CTNND2: variants seen among roughly 807,000 people sequenced by gnomAD.
CTNND2 encodes the protein catenin delta-2.
CTNND2 carries 22 observed loss-of-function variants against 144.4 expected under a neutral mutation model. That is an observed-to-expected ratio of 0.15 (90% CI 0.11 to 0.22). The LOEUF (loss-of-function observed/expected upper bound fraction) is 0.22, where lower values mean the gene tolerates loss of function less well. CTNND2 is among the 10% of genes least tolerant of loss of function. CTNND2 has a pLI of 1.00. For missense variants in CTNND2, 1,353 were observed against 1,618.8 expected (o/e 0.84, Z 2.82); for synonymous variants, 751 against 695.6 (o/e 1.08, Z -1.25).
intron 11 of CTNND2, among the ~76,000 whole-genome samples, chr5:11,197,869 T>C (rs1429332260): frequency 6.6e-6 from 1 of 152,220 alleles, no homozygotes; most frequent in Non-Finnish European, 1.5e-5. Flanking sequence ...AGAGGGGTTC[T>C]TCTACACAAT....
At chr5:11,121,919 A>G (rs1007857340) in intron 12 of CTNND2, among the ~76,000 whole-genome samples, 3 of 152,132 alleles carry the variant, frequency 2.0e-5, no homozygotes, top group Non-Finnish European at 4.4e-5. Context: ...TCCTTTACTG[A>G]TCATCATTTA....
intron 3 of CTNND2, among the ~76,000 whole-genome samples, chr5:11,450,510 C>A (rs1042430163): frequency 2.8e-4 from 43 of 152,184 alleles, no homozygotes; most frequent in African/African-American, 9.9e-4. Flanking sequence ...AGCTTTGTCC[C>A]ACTAATACTC....
chr5:11,171,956 G>A (rs1252821527), intron 11 of CTNND2, among the ~76,000 whole-genome samples: 1 of 152,164 alleles, frequency 6.6e-6, no homozygotes, highest in Non-Finnish European at 1.5e-5. Context: ...AATATTAATT[G>A]AGTAAAAAAG....
rs181700673 is a variant in CTNND2 at position 11,235,797 on chromosome 5, A to C, written c.1761+894T>G. Among the ~76,000 whole-genome samples the C allele has an allele frequency of 7.9e-5, 12 of 152,370 alleles. No individual in the cohort carries two copies. The East Asian group carries it at 2.1e-3, about 27-fold the overall frequency. On this transcript the variant is annotated intron_variant, in intron 10 of 21. Coordinates refer to ENST00000304623, the MANE Select transcript of CTNND2 (RefSeq NM_001332.4). ...CAGTCCCAGGGGAAGAGAGATGGAA[A>C]AAATAAAAAGCCATGAGGCTATGTA... is the stretch of plus-strand genomic sequence containing the variant.
At chr5:11,418,627 G>A (rs1581152660) in intron 3 of CTNND2, among the ~76,000 whole-genome samples, 1 of 152,270 alleles carries the variant, frequency 6.6e-6, no homozygotes, top group South Asian at 2.1e-4. Flanking sequence ...AAGAAGGGAC[G>A]AGATGATGAC....
intron 9 of CTNND2, among the ~76,000 whole-genome samples, chr5:11,287,508 T>C (rs1747875749): frequency 6.6e-6 from 1 of 152,218 alleles, no homozygotes; most frequent in Non-Finnish European, 1.5e-5. Context: ...CACTGAGTAA[T>C]ACAGATGCCA....
intron 9 of CTNND2, among the ~76,000 whole-genome samples, chr5:11,335,943 G>A (rs1753686559): frequency 6.6e-6 from 1 of 152,018 alleles, no homozygotes; most frequent in Admixed American, 6.5e-5. Context: ...TGCATAGGAT[G>A]TAACCTTTGT....
At chr5:11,759,391 T>C (rs931211164) in intron 1 of CTNND2, among the ~76,000 whole-genome samples, 12 of 152,092 alleles carry the variant, frequency 7.9e-5, no homozygotes, top group Admixed American at 2.6e-4. Context: ...TATAAACATG[T>C]CCAAGGATCT....
At chr5:11,641,676 A>ATATACATATACGTGTGTG (rs1782023641) in intron 2 of CTNND2, among the ~76,000 whole-genome samples, 1 of 131,636 alleles carries the variant, frequency 7.6e-6, no homozygotes, top group Non-Finnish European at 1.7e-5. Context: ...ATACGTGTGT[A>ATATACATATACGTGTGTG]TATACATATA....
intron 1 of CTNND2, among the ~76,000 whole-genome samples, chr5:11,775,175 T>A (rs957604525): frequency 1.3e-5 from 2 of 152,176 alleles, no homozygotes; most frequent in African/African-American, 4.8e-5. Flanking sequence ...TGGCCTTACA[T>A]AAAGATGATA....
intron 1 of CTNND2, among the ~76,000 whole-genome samples, chr5:11,888,711 G>A (rs1026869232): frequency 3.3e-5 from 5 of 151,144 alleles, no homozygotes; most frequent in South Asian, 2.1e-4. Context: ...CAGCAATGTC[G>A]GCCTGGTTGT....
chr5:11,179,246 T>C (rs537612894), intron 11 of CTNND2, among the ~76,000 whole-genome samples: 5 of 151,758 alleles, frequency 3.3e-5, no homozygotes, highest in Non-Finnish European at 4.4e-5. Flanking sequence ...TGAACCGAAA[T>C]TGCACCACTG....
intron 3 of CTNND2, among the ~76,000 whole-genome samples, chr5:11,536,985 G>A (rs1221172720): frequency 2.0e-5 from 3 of 152,008 alleles, no homozygotes; most frequent in Non-Finnish European, 2.9e-5. Flanking sequence ...GTATCTGCCT[G>A]GGGATTTAGA....
rs1262549452 is a variant in CTNND2, at chr5:10,973,938, A to C, written c.3418-225T>G. On this transcript the variant is annotated intron_variant, in intron 21 of 21. Transcript: ENST00000304623. This position sits in a 1 kb window ranked among gnomAD's most constrained non-coding sequence, Gnocchi z 5.6. ...TCTACATAATCTTTATCATGGCAAA[A>C]TATACATAACATAAAACAGCTTGCT... is the stretch of plus-strand genomic sequence containing the variant. 6.6e-6 allele frequency among the ~76,000 whole-genome samples: 1 copy of C among 152,228 alleles called. No individual in the cohort carries two copies. Among genetic ancestry groups the C allele is most frequent in the East Asian group, 1.9e-4 (1 of 5,200 alleles).
chr5:11,319,067 GC>G (rs1335765599), intron 9 of CTNND2, among the ~76,000 whole-genome samples: 1 of 152,030 alleles, frequency 6.6e-6, no homozygotes, highest in African/African-American at 2.4e-5. Flanking sequence ...TTACTCTTGA[GC>G]AAACTGAGCC....
At chr5:11,492,539 G>GTA (rs1561471196) in intron 3 of CTNND2, among the ~76,000 whole-genome samples, 1 of 150,480 alleles carries the variant, frequency 6.6e-6, no homozygotes, top group Non-Finnish European at 1.5e-5. Flanking sequence ...GTGTGTGTAT[G>GTA]TGTGTGTATC....
chr5:11,294,734 C>T (rs1043681716), intron 9 of CTNND2, among the ~76,000 whole-genome samples: 8 of 152,188 alleles, frequency 5.3e-5, no homozygotes, highest in South Asian at 2.1e-4. Context: ...ACAAAAACCA[C>T]ATGATTATCT....
intron 5 of CTNND2, among the ~76,000 whole-genome samples, chr5:11,404,602 CTTTTTTTTTTTTTTTTTTTTTTT>C (rs555388304): frequency 1.7e-5 from 1 of 57,368 alleles, no homozygotes; most frequent in Admixed American, 3.2e-4. Flanking sequence ...TATCTGTATT[CTTTTTTTTTTTTTTTTTTTTTTT>C]TTTTTTTTTT....
intron 9 of CTNND2, among the ~76,000 whole-genome samples, chr5:11,289,325 G>A (rs1748071910): frequency 6.6e-6 from 1 of 152,176 alleles, no homozygotes; most frequent in African/African-American, 2.4e-5. Context: ...CTGACCTCAG[G>A]CTCAGATTCC....
Sources: allele counts gnomAD v4.1 joint callset (sites outside exome capture counted in the v4.1 genomes callset), GRCh38; gene constraint gnomAD v4.1.1; non-coding constraint Gnocchi (gnomAD v3.1); transcripts MANE v1.5; gene names NCBI Gene and HGNC (gene_info 2026-07-23, HGNC 2026-07-21).